The following PITPNC1 variants were observed in gnomAD, a reference collection of about 807,000 sequenced individuals.
PITPNC1 encodes the protein phosphatidylinositol transfer protein cytoplasmic 1.
Under a neutral mutation model 44.7 loss-of-function variants are expected in PITPNC1, and 18 were observed. The ratio of observed to expected loss-of-function variants is 0.40; its 90% confidence interval spans 0.28 to 0.60. The LOEUF is 0.60. PITPNC1 is among the 20% of genes least tolerant of loss of function. The pLI is 0.39. For synonymous variants in PITPNC1, 141 were observed against 149.6 expected (o/e 0.94, Z 0.42); for missense variants, 290 against 418.4 (o/e 0.69, Z 2.68).
chr17:67,606,148 G>A (rs1291057604), intron 5 of PITPNC1, among the ~76,000 whole-genome samples: 1 of 152,168 alleles, frequency 6.6e-6, no homozygotes, highest in Non-Finnish European at 1.5e-5. Context: ...GGAACAGTGG[G>A]TGATAAGCGA....
intron 4 of PITPNC1, among the ~76,000 whole-genome samples, chr17:67,564,194 T>C (rs2040944444): frequency 6.6e-6 from 1 of 151,662 alleles, no homozygotes; most frequent in South Asian, 2.1e-4. Flanking sequence ...GATGGATGGA[T>C]GGATGGATGA....
chr17:67,445,741 G>A (rs953161445), intron 1 of PITPNC1, among the ~76,000 whole-genome samples: 1 of 152,044 alleles, frequency 6.6e-6, no homozygotes, highest in Non-Finnish European at 1.5e-5. Flanking sequence ...ATGAATAACA[G>A]AGCGAAACTT....
rs2042774925 is a variant in PITPNC1 at position 67,684,355 on chromosome 17, C to T, written c.683-8217C>T. 2.6e-5 allele frequency among the ~76,000 whole-genome samples: 4 copies of T among 151,968 alleles called. No individual in the cohort carries two copies. In the South Asian group the frequency reaches 6.2e-4, roughly 24 times the overall value. ...CTCCAACTCCTGGCCTCAGGTGATC[C>T]GCCCATCTCGGCCTCCCAAAGTGCT... On this transcript the variant is annotated intron_variant, in intron 8 of 8. Transcript: ENST00000581322.
chr17:67,406,519 G>A (rs1302571705), intron 1 of PITPNC1, among the ~76,000 whole-genome samples: 2 of 151,920 alleles, frequency 1.3e-5, no homozygotes, highest in African/African-American at 2.4e-5. Flanking sequence ...TTAATGAAAG[G>A]TGTGTGTTGC....
chr17:67,483,918 C>CT (rs60856668), intron 1 of PITPNC1, among the ~76,000 whole-genome samples: 5,077 of 111,686 alleles, frequency 0.045, 260 homozygotes, highest in African/African-American at 0.13. Flanking sequence ...CGTTTTCTTT[C>CT]TTTTTTTTTT....
At chr17:67,433,707 T>C (rs2038892556) in intron 1 of PITPNC1, among the ~76,000 whole-genome samples, 1 of 151,916 alleles carries the variant, frequency 6.6e-6, no homozygotes, top group African/African-American at 2.4e-5. Flanking sequence ...TGAGACTCCA[T>C]CTCTAAAAAA....
In PITPNC1 at chr17:67,646,468, C is replaced by T. The variant is rs372715833; in HGVS notation, c.462+14230C>T. 1.8e-4 allele frequency among the ~76,000 whole-genome samples: 28 copies of T among 152,298 alleles called. No individual in the cohort carries two copies. The South Asian group carries it at 4.1e-3, about 23-fold the overall frequency. The stretch of plus-strand genomic sequence containing the variant: ...TTAGCTTGGGCCTTAGAATTTTCAA[C>T]GAAAATTTCTCACAAAATTGCTAAA... On this transcript the variant is annotated intron_variant, in intron 6 of 8. Coordinates refer to ENST00000581322, the MANE Select transcript of PITPNC1 (RefSeq NM_012417.4).
intron 1 of PITPNC1, among the ~76,000 whole-genome samples, chr17:67,461,294 G>A (rs1193038185): frequency 6.6e-6 from 1 of 152,198 alleles, no homozygotes; most frequent in East Asian, 1.9e-4. Flanking sequence ...AAATGCTTCT[G>A]GAATCTTCCT....
At chr17:67,442,595 C>T (rs1269151891) in intron 1 of PITPNC1, among the ~76,000 whole-genome samples, 1 of 151,822 alleles carries the variant, frequency 6.6e-6, no homozygotes, top group Non-Finnish European at 1.5e-5. Flanking sequence ...GTAATCCCAG[C>T]ATATTGGGAG....
intron 1 of PITPNC1, among the ~76,000 whole-genome samples, chr17:67,398,157 G>A (rs911089206): frequency 2.6e-5 from 4 of 151,472 alleles, no homozygotes; most frequent in Admixed American, 6.6e-5. Flanking sequence ...CCCATAGCAA[G>A]TATTGGCGCA....
At chr17:67,611,385 T>C (rs2041685203) in intron 5 of PITPNC1, 1 of 152,244 alleles carries the variant, frequency 6.6e-6, no homozygotes, top group Non-Finnish European at 1.5e-5. Context: ...TCATCTTCTG[T>C]GTCCAGACAG....
intron 5 of PITPNC1, among the ~76,000 whole-genome samples, chr17:67,627,960 T>C (rs1169159540): frequency 6.7e-6 from 1 of 149,624 alleles, no homozygotes. Context: ...GGCGTCTCAC[T>C]GTGTCGCCCA....
chr17:67,529,253 C>T (rs942870030), intron 1 of PITPNC1, among the ~76,000 whole-genome samples: 12 of 152,210 alleles, frequency 7.9e-5, no homozygotes, highest in African/African-American at 2.9e-4. Flanking sequence ...CCAGCCAGGG[C>T]TGACTGGCGT....
intron 5 of PITPNC1, among the ~76,000 whole-genome samples, chr17:67,582,457 G>A (rs1324442980): frequency 6.6e-6 from 1 of 152,090 alleles, no homozygotes; most frequent in African/African-American, 2.4e-5. Context: ...ATGACGATAA[G>A]AAGCAATAAT....
intron 8 of PITPNC1, 57 bp from the exon 9 acceptor site, chr17:67,692,515 C>T (rs747008440): frequency 5.2e-5 from 64 of 1,232,602 alleles, no homozygotes; most frequent in Non-Finnish European, 7.0e-5. Context: ...AGTGATGAAT[C>T]TATTTGCCTC....
chr17:67,437,907 A>G (rs2038958975), intron 1 of PITPNC1, among the ~76,000 whole-genome samples: 1 of 152,050 alleles, frequency 6.6e-6, no homozygotes, highest in Non-Finnish European at 1.5e-5. Flanking sequence ...ATCTCTACTA[A>G]AAATTACAAA....
At chr17:67,447,184 A>G (rs1027072336) in intron 1 of PITPNC1, among the ~76,000 whole-genome samples, 8 of 150,602 alleles carry the variant, frequency 5.3e-5, no homozygotes, top group Non-Finnish European at 1.0e-4. Flanking sequence ...AGAGTGGCCA[A>G]CCTGGAGATT....
intron 1 of PITPNC1, among the ~76,000 whole-genome samples, chr17:67,386,184 G>T (rs1158060100): frequency 2.6e-5 from 4 of 152,120 alleles, no homozygotes; most frequent in African/African-American, 7.2e-5. Context: ...GGCATTAAAA[G>T]AAATTAATAT....
chr17:67,692,984 T>G lies in PITPNC1; in HGVS notation c.*96T>G. ...ATAGAGAAAAAGACTGCTTTGTCAC[T>G]CAAACATGTTCCTTCGACCTTTCAG... On this transcript the variant is annotated 3_prime_UTR_variant, in exon 9 of 9. Transcript: ENST00000581322. The G allele has an allele frequency of 1.3e-6, 1 of 785,436 alleles. No homozygotes were observed. The highest frequency in any genetic ancestry group is 2.1e-6 in the Non-Finnish European group (1 of 479,010). 48.7% of individuals were successfully genotyped at this position (785,436 alleles called of 1,614,324 possible).
Sources: allele counts gnomAD v4.1 joint callset (sites outside exome capture counted in the v4.1 genomes callset), GRCh38; gene constraint gnomAD v4.1.1; transcripts MANE v1.5; gene names NCBI Gene and HGNC (gene_info 2026-07-23, HGNC 2026-07-21).